Variants in OTOA observed in about 807,000 individuals in gnomAD.
OTOA encodes the protein otoancorin.
Under a neutral mutation model 110.8 loss-of-function variants are expected in OTOA, and 70 were observed. The ratio of observed to expected loss-of-function variants is 0.63; its 90% CI spans 0.52 to 0.77. The LOEUF (loss-of-function observed/expected upper bound fraction) is 0.77, where lower values mean the gene tolerates loss of function less well. Among genes scored for constraint, OTOA ranks in the 30% least tolerant of loss-of-function variants. OTOA has a pLI of 0.00. For synonymous variants in OTOA, 373 were observed against 431.5 expected, an observed-to-expected ratio of 0.86 and a Z score of 1.68; for missense variants, 917 against 1,075.8, an observed-to-expected ratio of 0.85 and a Z score of 2.06.
intron 28 of OTOA, among the ~76,000 whole-genome samples, chr16:21,758,601 G>A (rs1013936062): frequency 4.7e-5 from 7 of 149,706 alleles, no homozygotes; most frequent in African/African-American, 1.7e-4. Context: ...TTCACATAGG[G>A]ATGGTGAATT....
chr16:21,667,314 AT>A (rs1484263644), intron 1 of OTOA, among the ~76,000 whole-genome samples: 1 of 152,188 alleles, frequency 6.6e-6, no homozygotes, highest in East Asian at 1.9e-4. Context: ...AAAATAATCC[AT>A]TTGCATAACA....
chr16:21,707,011 A>T (rs1353340960), intron 12 of OTOA, among the ~76,000 whole-genome samples: 2 of 151,774 alleles, frequency 1.3e-5, no homozygotes, highest in East Asian at 3.9e-4. Flanking sequence ...CTACAGGTGC[A>T]TGCCACCATG....
chr16:21,720,743 A>T (rs896358678), intron 17 of OTOA, among the ~76,000 whole-genome samples: 2 of 152,162 alleles, frequency 1.3e-5, no homozygotes, highest in African/African-American at 4.8e-5. Context: ...GAGCAAATGG[A>T]TGGAAGCTAG....
In OTOA at chr16:21,736,376, A is replaced by C. The variant is rs464691; in HGVS notation, c.2417A>C (p.Tyr806Ser). 561 of 1,613,148 alleles carry C rather than the reference A, an allele frequency of 3.5e-4. 2 individuals carry two copies. In the African/African-American group the frequency reaches 3.5e-3, roughly 10 times the overall value. ...VRNSSDKIPS[Y>S]DPMPGCHGVV... ...AACAGCAGTGATAAGATCCCCAGCT[A>C]TGACCCTATGCCTGGTGAGTGTTTT... The change falls in exon 22 of 29, where the codon TAT becomes TCT. Residue 806 changes from tyrosine (Y) to serine (S), a missense_variant. Physicochemically the swap from Tyr to Ser is moderately radical, Grantham distance 144. Around this residue, in one of 6 missense-constraint regions of OTOA, gnomAD observed 57 missense variants for 59.7 expected, o/e 0.96. Coordinates refer to ENST00000646100, the MANE Select transcript of OTOA (RefSeq NM_144672.4).
chr16:21,736,436 A>C (rs1335309828), intron 22 of OTOA, 46 bp downstream of exon 22: 1 of 1,613,118 alleles, frequency 6.2e-7, no homozygotes, highest in South Asian at 1.1e-5. Flanking sequence ...ATAGTAATTA[A>C]TGTTTTGGGC....
intron 7 of OTOA, among the ~76,000 whole-genome samples, chr16:21,686,947 G>C (rs972807494): frequency 2.0e-5 from 3 of 152,140 alleles, no homozygotes; most frequent in African/African-American, 7.2e-5. Context: ...TGTGCACCCA[G>C]AGATGAGAAC....
At chr16:21,685,032 G>A (rs975651658) in intron 6 of OTOA, among the ~76,000 whole-genome samples, 198 bp from the exon 7 acceptor site, 1 of 152,074 alleles carries the variant, frequency 6.6e-6, no homozygotes, top group Non-Finnish European at 1.5e-5. Context: ...TTACAGGCAT[G>A]AGCCACCGCG....
At chr16:21,676,060 T>TG (rs1172891665) in intron 1 of OTOA, among the ~76,000 whole-genome samples, 5 of 152,138 alleles carry the variant, frequency 3.3e-5, no homozygotes, top group Admixed American at 2.6e-4. Context: ...CCTGAGTAGT[T>TG]GGGCACCTGC....
chr16:21,726,419 A>T, intron 18 of OTOA, 104 bp from the exon 19 acceptor site: 1 of 1,503,730 alleles, frequency 6.7e-7, no homozygotes, highest in Non-Finnish European at 9.2e-7. Context: ...ACAAACATTT[A>T]AAGAATGTCT....
intron 11 of OTOA, chr16:21,704,815 GA>G (rs374331184): frequency 1.7e-4 from 112 of 641,694 alleles, no homozygotes; most frequent in East Asian, 3.2e-4. Flanking sequence ...TTTATAGGCG[GA>G]GGGTAATGAG....
intron 21 of OTOA, among the ~76,000 whole-genome samples, chr16:21,733,543 G>C (rs1899184487): frequency 6.6e-6 from 1 of 151,716 alleles, no homozygotes; most frequent in Non-Finnish European, 1.5e-5. Flanking sequence ...AGGCTGAGAG[G>C]CTTGCTCTCT....
At chr16:21,688,359 A>T (rs1177409204) in intron 8 of OTOA, among the ~76,000 whole-genome samples, 1 of 152,114 alleles carries the variant, frequency 6.6e-6, no homozygotes, top group East Asian at 1.9e-4. Flanking sequence ...ACTGCACTCC[A>T]ACCTGGGCGA....
At chr16:21,697,692 A>C (rs1409096917) in intron 9 of OTOA, 83 bp from the exon 10 acceptor site, 1 of 1,236,034 alleles carries the variant, frequency 8.1e-7, no homozygotes, top group East Asian at 2.3e-5. Context: ...CTTGACAGCA[A>C]AGATGCTGTT....
At chr16:21,733,753 C>T (rs376560775) in intron 21 of OTOA, among the ~76,000 whole-genome samples, 1 of 151,382 alleles carries the variant, frequency 6.6e-6, no homozygotes, top group South Asian at 2.1e-4. Context: ...TTGAGACAAC[C>T]CTTCTTCACC....
chr16:21,680,661 C>T (rs774552776), intron 5 of OTOA, among the ~76,000 whole-genome samples: 1 of 151,924 alleles, frequency 6.6e-6, no homozygotes, highest in Non-Finnish European at 1.5e-5. Context: ...CAGCCCAGCC[C>T]GGCCAACATG....
intron 19 of OTOA, 136 bp from the exon 20 acceptor site, chr16:21,728,105 T>A: frequency 9.4e-7 from 1 of 1,060,720 alleles, no homozygotes; most frequent in East Asian, 2.5e-5. Flanking sequence ...CCTCAAATGA[T>A]CTGTCTGCCT....
intron 12 of OTOA, among the ~76,000 whole-genome samples, chr16:21,708,763 TAC>T (rs753415454): frequency 2.0e-5 from 3 of 152,194 alleles, no homozygotes; most frequent in African/African-American, 4.8e-5. Flanking sequence ...CTGAAATGAC[TAC>T]GTTATTACGT....
At chr16:21,682,093 T>C (rs1198840137) in intron 6 of OTOA, among the ~76,000 whole-genome samples, 1 of 152,196 alleles carries the variant, frequency 6.6e-6, no homozygotes, top group Admixed American at 6.5e-5. Context: ...GCTCAAACAA[T>C]TTAGTTTATT....
At chr16:21,668,619 C>A (rs1966845187) in intron 1 of OTOA, among the ~76,000 whole-genome samples, 1 of 151,580 alleles carries the variant, frequency 6.6e-6, no homozygotes, top group Non-Finnish European at 1.5e-5. Flanking sequence ...CGCCACCATG[C>A]CCAGCTAAGT....
Sources: gnomAD v4.1 joint callset for allele counts (sites outside exome capture counted in the v4.1 genomes callset) on GRCh38, gnomAD v4.1.1 for gene constraint, gnomAD v4.1.1 regional missense constraint, MANE v1.5 for transcripts, NCBI Gene and HGNC (gene_info 2026-07-23, HGNC 2026-07-21) for gene names.